VTI1A: variants seen among roughly 807,000 people sequenced by gnomAD.
VTI1A encodes the protein vesicle transport through interaction with t-SNAREs homolog 1A.
Under a neutral mutation model 34.9 loss-of-function variants are expected in VTI1A, and 22 were observed. The ratio of observed to expected loss-of-function variants is 0.63; its 90% CI spans 0.45 to 0.90. The LOEUF (loss-of-function observed/expected upper bound fraction) is 0.90. Ranked by LOEUF, VTI1A falls within the 40% of genes least tolerant of loss-of-function variation. The probability of loss-of-function intolerance (pLI) is 0.00; values close to 1 mark genes in which losing one functional copy is unlikely to be tolerated. For synonymous variants in VTI1A, 87 were observed against 97.3 expected (o/e 0.89, Z 0.62); for missense variants, 268 against 275.6 (o/e 0.97, Z 0.20).
chr10:112,509,403 G>A (rs1849536611), intron 3 of VTI1A, among the ~76,000 whole-genome samples: 2 of 152,096 alleles, frequency 1.3e-5, no homozygotes, highest in African/African-American at 4.8e-5. Flanking sequence ...GTAGAAAGTA[G>A]CCCCAAAACT....
chr10:112,545,110 C>G (rs1476403731), intron 5 of VTI1A, among the ~76,000 whole-genome samples: 1 of 152,104 alleles, frequency 6.6e-6, no homozygotes, highest in Non-Finnish European at 1.5e-5. Flanking sequence ...ACTGAAATTG[C>G]CAACAGAGGA....
intron 7 of VTI1A, among the ~76,000 whole-genome samples, chr10:112,689,648 G>A (rs1437080446): frequency 3.3e-5 from 5 of 152,086 alleles, no homozygotes; most frequent in East Asian, 1.9e-4. Flanking sequence ...GTATTTCCTC[G>A]GGGCAGCTAA....
At chr10:112,562,883 C>T (rs961218097) in intron 5 of VTI1A, among the ~76,000 whole-genome samples, 3 of 152,042 alleles carry the variant, frequency 2.0e-5, no homozygotes, top group Non-Finnish European at 4.4e-5. Flanking sequence ...AAAATGACAC[C>T]GATCCTATCG....
rs1851805254 is a variant in VTI1A, at chr10:112,771,183, T to C, written c.561-44107T>C. Among the ~76,000 whole-genome samples the C allele has an allele frequency of 2.0e-5, 3 of 152,240 alleles. No individual in the cohort carries two copies. In the South Asian group the frequency reaches 6.2e-4, roughly 32 times the overall value. ...ACTGCCTCTTACTAGCTGTCTGACC[T>C]TGGAGAATTTTCCTCATCTTTAAGT... On this transcript the variant is annotated intron_variant, in intron 7 of 7. Transcript: ENST00000393077.
chr10:112,570,175 CT>C, intron 5 of VTI1A, among the ~76,000 whole-genome samples: 1 of 152,094 alleles, frequency 6.6e-6, no homozygotes, highest in Non-Finnish European at 1.5e-5. Flanking sequence ...ATAAAATTAC[CT>C]TTTGTGAAAA....
chr10:112,652,867 G>A (rs1374417513), intron 5 of VTI1A, among the ~76,000 whole-genome samples: 7 of 152,156 alleles, frequency 4.6e-5, no homozygotes, highest in Non-Finnish European at 4.4e-5. Context: ...CTTTTCTTTC[G>A]TTGAAGTAGT....
chr10:112,484,360 A>G (rs917419371), intron 3 of VTI1A, among the ~76,000 whole-genome samples: 4 of 152,232 alleles, frequency 2.6e-5, no homozygotes, highest in East Asian at 1.9e-4. Context: ...AATCTATTCT[A>G]TATCTAGTTT....
chr10:112,702,645 G>A (rs1849050224), intron 7 of VTI1A, among the ~76,000 whole-genome samples: 2 of 152,226 alleles, frequency 1.3e-5, no homozygotes, highest in South Asian at 4.1e-4. Context: ...GGAGTGCAGT[G>A]GTGTGATCTC....
intron 7 of VTI1A, among the ~76,000 whole-genome samples, chr10:112,729,037 G>A (rs373654265): frequency 7.2e-4 from 110 of 152,172 alleles, no homozygotes; most frequent in African/African-American, 2.5e-3. Flanking sequence ...GGTTTGGGTG[G>A]TTTTGATTTT....
At chr10:112,652,048 A>T (rs1413037031) in intron 5 of VTI1A, among the ~76,000 whole-genome samples, 1 of 152,032 alleles carries the variant, frequency 6.6e-6, no homozygotes, top group African/African-American at 2.4e-5. Flanking sequence ...TTCTATAGTG[A>T]TGGAGATTTC....
intron 5 of VTI1A, among the ~76,000 whole-genome samples, chr10:112,657,694 A>T (rs542851766): frequency 6.6e-6 from 1 of 152,348 alleles, no homozygotes; most frequent in Non-Finnish European, 1.5e-5. Flanking sequence ...ATTGGCATGA[A>T]GTTGGCAATG....
intron 7 of VTI1A, among the ~76,000 whole-genome samples, chr10:112,685,933 C>T (rs1168481975): frequency 2.0e-5 from 3 of 152,168 alleles, no homozygotes; most frequent in African/African-American, 7.2e-5. Context: ...GCTTACCCTG[C>T]CACCACCACA....
At chr10:112,699,490 T>C (rs1340129645) in intron 7 of VTI1A, among the ~76,000 whole-genome samples, 1 of 152,214 alleles carries the variant, frequency 6.6e-6, no homozygotes, top group East Asian at 1.9e-4. Context: ...TAAACTATGG[T>C]TTATAGTTTA....
intron 5 of VTI1A, among the ~76,000 whole-genome samples, chr10:112,655,708 C>G (rs1382555369): frequency 6.6e-6 from 1 of 152,038 alleles, no homozygotes; most frequent in East Asian, 1.9e-4. Flanking sequence ...ACCAAAGGCC[C>G]AGAGCTAAAG....
intron 5 of VTI1A, among the ~76,000 whole-genome samples, chr10:112,549,169 C>T (rs542982549): frequency 6.6e-6 from 1 of 152,318 alleles, no homozygotes; most frequent in Admixed American, 6.5e-5. Flanking sequence ...CTACGTGTTC[C>T]TTTCCCTCAG....
intron 5 of VTI1A, among the ~76,000 whole-genome samples, chr10:112,555,407 G>T (rs1016646801): frequency 6.6e-6 from 1 of 151,964 alleles, no homozygotes; most frequent in African/African-American, 2.4e-5. Flanking sequence ...TATGTCTAAG[G>T]TTCAATATCT....
At chr10:112,652,682 A>G (rs747742651) in intron 5 of VTI1A, among the ~76,000 whole-genome samples, 7 of 144,692 alleles carry the variant, frequency 4.8e-5, no homozygotes, top group Non-Finnish European at 1.0e-4. Flanking sequence ...AGCCGTGTTC[A>G]TGCCAGTGCA....
At chr10:112,457,086 T>A (rs533758500) in intron 1 of VTI1A, among the ~76,000 whole-genome samples, 53 of 152,292 alleles carry the variant, frequency 3.5e-4, no homozygotes, top group Admixed American at 6.5e-4. Context: ...AAGATTTGTT[T>A]GGGTAGCAAT....
intron 5 of VTI1A, among the ~76,000 whole-genome samples, chr10:112,610,692 G>A (rs1393272382): frequency 6.6e-6 from 1 of 152,130 alleles, no homozygotes; most frequent in Non-Finnish European, 1.5e-5. Context: ...CGAGGCGGGC[G>A]GATCACGAGG....
Sources: allele counts gnomAD v4.1 joint callset (sites outside exome capture counted in the v4.1 genomes callset), GRCh38; gene constraint gnomAD v4.1.1; transcripts MANE v1.5; gene names NCBI Gene and HGNC (gene_info 2026-07-23, HGNC 2026-07-21).